Variants in SGCZ observed in about 807,000 individuals in gnomAD.
SGCZ encodes sarcoglycan zeta.
SGCZ carries 40 observed loss-of-function variants against 41.3 expected under a neutral mutation model. That is an observed-to-expected ratio of 0.97 (90% CI 0.75 to 1.26). The LOEUF is 1.26. SGCZ is among the 50% of genes most tolerant of loss of function. The probability of loss-of-function intolerance (pLI) is 0.00; values close to 1 mark genes in which losing one functional copy is unlikely to be tolerated. For missense variants in SGCZ, 552 were observed against 369.8 expected, an observed-to-expected ratio of 1.49 and a Z score of -4.04; for synonymous variants, 206 against 137.5, an observed-to-expected ratio of 1.50 and a Z score of -3.49.
intron 1 of SGCZ, among the ~76,000 whole-genome samples, chr8:14,710,020 C>T (rs1203356573): frequency 1.3e-5 from 2 of 152,126 alleles, no homozygotes; most frequent in Non-Finnish European, 2.9e-5. Flanking sequence ...CCATTAAGCT[C>T]CCTTCTGTCA....
At chr8:14,177,242 C>T (rs934410325) in intron 4 of SGCZ, among the ~76,000 whole-genome samples, 1 of 152,064 alleles carries the variant, frequency 6.6e-6, no homozygotes, top group African/African-American at 2.4e-5. Context: ...CGATATTAAC[C>T]ATAAGAATAC....
intron 1 of SGCZ, among the ~76,000 whole-genome samples, chr8:14,691,243 T>A (rs1477771019): frequency 6.6e-6 from 1 of 152,174 alleles, no homozygotes; most frequent in African/African-American, 2.4e-5. Context: ...ATTATCTTGA[T>A]CTGAAAAATA....
intron 2 of SGCZ, among the ~76,000 whole-genome samples, chr8:14,530,277 C>A (rs1356784626): frequency 6.6e-6 from 1 of 151,966 alleles, no homozygotes; most frequent in African/African-American, 2.4e-5. Flanking sequence ...TCTAGTCAGT[C>A]TCAAAATATA....
intron 1 of SGCZ, among the ~76,000 whole-genome samples, chr8:15,109,622 G>A (rs967990947): frequency 4.6e-5 from 7 of 151,974 alleles, no homozygotes; most frequent in African/African-American, 1.7e-4. Context: ...ATCTAAGTTG[G>A]TTAAACTTGA....
In SGCZ at chr8:14,888,515, C is replaced by A. The variant is rs1044563673; in HGVS notation, c.40-333589G>T. 3.3e-5 allele frequency among the ~76,000 whole-genome samples: 5 copies of A among 152,086 alleles called. No individual in the cohort carries two copies. The South Asian group carries it at 1.0e-3, about 31-fold the overall frequency. On this transcript the variant is annotated intron_variant, in intron 1 of 7. Coordinates refer to ENST00000382080, the MANE Select transcript of SGCZ (RefSeq NM_139167.4). ...GTATACATAATCGTATCATGAGCAA[C>A]AATGAACAAAGAAATAAGCAAGAAA... is the stretch of plus-strand genomic sequence containing the variant.
At chr8:15,150,729 G>A (rs1329114573) in intron 1 of SGCZ, among the ~76,000 whole-genome samples, 1 of 152,166 alleles carries the variant, frequency 6.6e-6, no homozygotes, top group Non-Finnish European at 1.5e-5. Context: ...CTCTCACCAG[G>A]CATAACTATA....
At chr8:14,640,112 C>T (rs1258584912) in intron 1 of SGCZ, among the ~76,000 whole-genome samples, 1 of 151,622 alleles carries the variant, frequency 6.6e-6, no homozygotes, top group Non-Finnish European at 1.5e-5. Flanking sequence ...ATATTTACTA[C>T]TTTACATTAA....
intron 3 of SGCZ, among the ~76,000 whole-genome samples, chr8:14,266,312 T>G (rs183264346): frequency 1.3e-5 from 2 of 152,254 alleles, no homozygotes; most frequent in African/African-American, 4.8e-5. Context: ...GGTCTTCCAT[T>G]TTTGTGGGTG....
At chr8:15,232,415 T>C (rs994496104) in intron 1 of SGCZ, among the ~76,000 whole-genome samples, 2 of 152,094 alleles carry the variant, frequency 1.3e-5, no homozygotes, top group Admixed American at 6.6e-5. Context: ...CTGGAACATA[T>C]GCTAAGTAAT....
intron 1 of SGCZ, among the ~76,000 whole-genome samples, chr8:15,168,413 G>T (rs1020405076): frequency 1.3e-5 from 2 of 152,206 alleles, no homozygotes; most frequent in Non-Finnish European, 2.9e-5. Flanking sequence ...AGATATAGGT[G>T]AGAGCAGATA....
intron 4 of SGCZ, among the ~76,000 whole-genome samples, chr8:14,212,642 T>A (rs1190774001): frequency 1.3e-5 from 2 of 151,940 alleles, no homozygotes; most frequent in Non-Finnish European, 2.9e-5. Flanking sequence ...ATCCACAATG[T>A]CCAAGATGCA....
intron 4 of SGCZ, among the ~76,000 whole-genome samples, chr8:14,226,920 G>A (rs1806392407): frequency 6.6e-6 from 1 of 152,060 alleles, no homozygotes. Flanking sequence ...ATTTCTCAAA[G>A]CCTGAAATGT....
intron 2 of SGCZ, among the ~76,000 whole-genome samples, chr8:14,512,825 A>T (rs536845924): frequency 6.6e-6 from 1 of 151,972 alleles, no homozygotes; most frequent in Non-Finnish European, 1.5e-5. Flanking sequence ...AACTTTATTA[A>T]TTGTCTACCC....
At chr8:14,521,029 CATAAG>C (rs142499373) in intron 2 of SGCZ, among the ~76,000 whole-genome samples, 7,067 of 152,148 alleles carry the variant, frequency 0.046, 237 homozygotes, top group Non-Finnish European at 0.073. Context: ...CCCATGCAGT[CATAAG>C]ATAAGAGAGA....
intron 1 of SGCZ, among the ~76,000 whole-genome samples, chr8:14,709,954 T>C (rs755791324): frequency 5.3e-5 from 8 of 152,104 alleles, no homozygotes; most frequent in Non-Finnish European, 1.2e-4. Flanking sequence ...TACAGCAAAA[T>C]AATAGAGAAA....
intron 1 of SGCZ, among the ~76,000 whole-genome samples, chr8:15,237,344 G>A (rs1008668124): frequency 6.6e-5 from 10 of 152,224 alleles, no homozygotes; most frequent in African/African-American, 1.9e-4. Flanking sequence ...GTGGCCGCTG[G>A]CGGGAGGAGC....
At position 14,441,778 on chromosome 8, in the gene SGCZ, G is replaced by C. The variant is rs146785304; in HGVS notation, c.234+112954C>G. ...CGGTACATCATTTTGCTTAACTCAA[G>C]TGGTGACTTTCTCCTTTAACTTTTT... On this transcript the variant is annotated intron_variant, in intron 2 of 7. Transcript: ENST00000382080. Among the ~76,000 whole-genome samples the C allele has an allele frequency of 2.8e-4, 42 of 152,204 alleles. 1 individual carries two copies. The highest frequency in any genetic ancestry group is 9.1e-4 in the African/African-American group (38 of 41,532).
chr8:14,409,390 G>T (rs1799299914), intron 2 of SGCZ, among the ~76,000 whole-genome samples: 1 of 151,890 alleles, frequency 6.6e-6, no homozygotes, highest in Admixed American at 6.6e-5. Flanking sequence ...GGTAAATATT[G>T]ATCGTATCAT....
chr8:14,876,941 A>T (rs1477479788), intron 1 of SGCZ, among the ~76,000 whole-genome samples: 2 of 150,730 alleles, frequency 1.3e-5, no homozygotes, highest in African/African-American at 4.9e-5. Context: ...ACTCTTAGAG[A>T]TTAACAGTGG....
Sources: allele counts gnomAD v4.1 joint callset (sites outside exome capture counted in the v4.1 genomes callset), GRCh38; gene constraint gnomAD v4.1.1; transcripts MANE v1.5; gene names NCBI Gene and HGNC (gene_info 2026-07-23, HGNC 2026-07-21).